The following CEP126 variants were observed in gnomAD, a reference collection of about 807,000 sequenced individuals.
The protein encoded by CEP126 is centrosomal protein 126.
CEP126 carries 74 observed loss-of-function variants against 107.8 expected under a neutral mutation model. The ratio of observed to expected loss-of-function variants is 0.69; its 90% CI spans 0.57 to 0.83. CEP126 has a LOEUF of 0.83. Ranked by LOEUF, CEP126 falls within the 40% of genes least tolerant of loss-of-function variation. The probability of loss-of-function intolerance (pLI) is 0.00; values close to 1 mark genes in which losing one functional copy is unlikely to be tolerated. For synonymous variants in CEP126, 449 were observed against 446.0 expected, an observed-to-expected ratio of 1.01 and a Z score of -0.08; for missense variants, 1,237 against 1,281.9, an observed-to-expected ratio of 0.96 and a Z score of 0.53.
intron 9 of CEP126, among the ~76,000 whole-genome samples, chr11:101,988,013 G>GA (rs758994811): frequency 9.2e-4 from 138 of 150,688 alleles, no homozygotes; most frequent in Non-Finnish European, 1.7e-3. Flanking sequence ...AAGGCACCAA[G>GA]AAAAAAAATC....
intron 2 of CEP126, among the ~76,000 whole-genome samples, chr11:101,924,325 G>GACCA (rs1410020420): frequency 1.9e-4 from 29 of 152,232 alleles, no homozygotes; most frequent in African/African-American, 7.0e-4. Flanking sequence ...TATGATTATG[G>GACCA]TCTTCTTAAC....
At chr11:101,978,302 A>T (rs749000155) in intron 6 of CEP126, 45 bp from the exon 7 acceptor site, 2 of 1,287,970 alleles carry the variant, frequency 1.6e-6, no homozygotes, top group Admixed American at 1.8e-5. Flanking sequence ...TATATTGGCT[A>T]CTCAACTAGC....
At chr11:101,954,649 T>C in intron 4 of CEP126, among the ~76,000 whole-genome samples, 1 of 151,912 alleles carries the variant, frequency 6.6e-6, no homozygotes, top group East Asian at 1.9e-4. Context: ...TATATACATA[T>C]ATATATCACA....
intron 3 of CEP126, 141 bp from the exon 4 acceptor site, chr11:101,947,890 A>C (rs1295811900): frequency 1.3e-5 from 5 of 378,720 alleles, no homozygotes; most frequent in African/African-American, 2.1e-5. Context: ...CAAAATTTAA[A>C]GTATTTACAC....
At chr11:101,978,582 A>G (rs888727101) in intron 7 of CEP126, 123 bp downstream of exon 7, 2 of 617,106 alleles carry the variant, frequency 3.2e-6, no homozygotes, top group Non-Finnish European at 5.6e-6. Context: ...AATTATAGCC[A>G]AAGCCATTTG....
intron 6 of CEP126, among the ~76,000 whole-genome samples, chr11:101,967,929 T>G (rs911317877): frequency 2.6e-5 from 4 of 152,172 alleles, no homozygotes; most frequent in Non-Finnish European, 5.9e-5. Context: ...CAACTCCAGA[T>G]AGCACCATTT....
At chr11:101,987,647 G>A (rs1941330702) in intron 9 of CEP126, among the ~76,000 whole-genome samples, 1 of 139,518 alleles carries the variant, frequency 7.2e-6, no homozygotes, top group Admixed American at 7.5e-5. Context: ...GGCAGCGCAG[G>A]GAGAGGGAAT....
chr11:101,978,653 C>T (rs115168062), intron 7 of CEP126, among the ~76,000 whole-genome samples, 194 bp downstream of exon 7: 1,877 of 152,250 alleles, frequency 0.012, 35 homozygotes, highest in African/African-American at 0.042. Flanking sequence ...TTGCTATGTT[C>T]TGTATAATCA....
chr11:101,983,858 AC>A (rs1280080153), intron 8 of CEP126, among the ~76,000 whole-genome samples: 3 of 152,208 alleles, frequency 2.0e-5, no homozygotes, highest in African/African-American at 4.8e-5. Context: ...TTGTGTCCTC[AC>A]TGATTTCAAG....
intron 6 of CEP126, among the ~76,000 whole-genome samples, chr11:101,976,342 AT>A (rs1226823683): frequency 2.6e-5 from 4 of 152,096 alleles, no homozygotes; most frequent in Non-Finnish European, 4.4e-5. Context: ...GATGTTGAGT[AT>A]TTTTTCATCT....
At chr11:101,975,005 C>T (rs1941176623) in intron 6 of CEP126, among the ~76,000 whole-genome samples, 1 of 152,020 alleles carries the variant, frequency 6.6e-6, no homozygotes, top group Non-Finnish European at 1.5e-5. Flanking sequence ...GTTAAGTGAA[C>T]AAGGAAATTT....
chr11:101,960,123 G>A (rs2137110134), intron 5 of CEP126, among the ~76,000 whole-genome samples: 1 of 151,928 alleles, frequency 6.6e-6, no homozygotes, highest in South Asian at 2.1e-4. Context: ...TAAAGCCAGA[G>A]GGAAAAAAGA....
At chr11:101,949,480 G>A (rs566372608) in intron 4 of CEP126, among the ~76,000 whole-genome samples, 68 of 152,214 alleles carry the variant, frequency 4.5e-4, no homozygotes, top group African/African-American at 1.5e-3. Context: ...TAATGGATAT[G>A]GTCAACTGTG....
rs533931118 is a variant in CEP126 at position 101,983,712 on chromosome 11, G to T, written c.3034+1748G>T. On this transcript the variant is annotated intron_variant, in intron 8 of 10. Transcript: ENST00000263468. ...GTTACTGATGAACATCACTGGTTTGGTGTTGTTACTCAAAAAAACATTGAC... is the reference window on the plus strand; with the variant it reads ...GTTACTGATGAACATCACTGGTTTGTTGTTGTTACTCAAAAAAACATTGAC... Among the ~76,000 whole-genome samples, 9 of 152,288 alleles carry T rather than the reference G, an allele frequency of 5.9e-5. No homozygotes were observed. In the South Asian group the frequency reaches 1.9e-3, roughly 32 times the overall value.
intron 2 of CEP126, among the ~76,000 whole-genome samples, chr11:101,923,131 A>G (rs1940356966): frequency 6.6e-6 from 1 of 152,114 alleles, no homozygotes; most frequent in Non-Finnish European, 1.5e-5. Flanking sequence ...GTTTGAGTTT[A>G]ATTTGTTATT....
Position 101,976,549 on chromosome 11 carries a change from C to T in CEP126, c.2846-1798C>T, listed in dbSNP as rs576083335. ...TTTTTGTAAGGTTCTTATCATAAAGCGCATGCACACATTTCCATTATTTCT... is the reference window on the plus strand; with the variant it reads ...TTTTTGTAAGGTTCTTATCATAAAGTGCATGCACACATTTCCATTATTTCT... On this transcript the variant is annotated intron_variant, in intron 6 of 10. Coordinates refer to ENST00000263468, the MANE Select transcript of CEP126 (RefSeq NM_020802.4). 1.4e-4 allele frequency among the ~76,000 whole-genome samples: 21 copies of T among 152,200 alleles called. 1 individual carries two copies. The highest frequency in any genetic ancestry group is 3.4e-3 in the Middle Eastern group (1 of 294).
At chr11:101,944,533 T>C (rs2137096453) in intron 3 of CEP126, 123 bp downstream of exon 3, 2 of 901,020 alleles carry the variant, frequency 2.2e-6, no homozygotes, top group Non-Finnish European at 1.6e-6. Context: ...ATATGACTTT[T>C]GAGTAAAAGC....
chr11:101,968,580 T>C (rs755892663), intron 6 of CEP126, among the ~76,000 whole-genome samples: 1 of 152,150 alleles, frequency 6.6e-6, no homozygotes, highest in Non-Finnish European at 1.5e-5. Context: ...CTCAAAGTTA[T>C]AAAGCCTGAA....
At chr11:101,937,051 C>T (rs1003117594) in intron 2 of CEP126, among the ~76,000 whole-genome samples, 2 of 152,108 alleles carry the variant, frequency 1.3e-5, no homozygotes, top group African/African-American at 4.8e-5. Context: ...GAATGAGACT[C>T]AAGTCTAAGC....
Sources: allele counts gnomAD v4.1 joint callset (sites outside exome capture counted in the v4.1 genomes callset), GRCh38; gene constraint gnomAD v4.1.1; transcripts MANE v1.5; gene names NCBI Gene and HGNC (gene_info 2026-07-23, HGNC 2026-07-21).